CDKN2D: variants seen among roughly 807,000 people sequenced by gnomAD.
CDKN2D encodes the protein cyclin dependent kinase inhibitor 2D.
CDKN2D carries 3 observed loss-of-function variants against 4.7 expected under a neutral mutation model. The ratio of observed to expected loss-of-function variants is 0.64; its 90% CI spans 0.29 to 1.66. The LOEUF (loss-of-function observed/expected upper bound fraction) is 1.66. Among genes scored for constraint, CDKN2D ranks in the 40% most tolerant of loss-of-function variants. CDKN2D has a pLI of 0.10. For missense variants in CDKN2D, 196 were observed against 230.9 expected (o/e 0.85, Z 0.98); for synonymous variants, 91 against 102.3 (o/e 0.89, Z 0.67).
Position 10,567,339 on chromosome 19 carries a change from C to A in CDKN2D, c.220G>T (p.Gly74Cys). 1 of 1,614,122 alleles carries A rather than the reference C, an allele frequency of 6.2e-7. No homozygotes were observed. The highest frequency in any genetic ancestry group is 2.2e-5 in the East Asian group (1 of 44,890). Reference sequence around the variant, plus strand: ...GCTGCGTCATGGACTGGACTGGTACCGGAGGTGTCCTGGACATTGGGGCTG... The same window carrying A: ...GCTGCGTCATGGACTGGACTGGTACAGGAGGTGTCCTGGACATTGGGGCTG... ...GASPNVQDTS[G>C]TSPVHDAART... The change falls in exon 2 of 2, where the codon GGT becomes TGT. Residue 74 changes from glycine to cysteine, a missense_variant. Physicochemically the swap from Gly to Cys is radical, Grantham distance 159 (BLOSUM62 -3). Transcript: ENST00000393599.
chr19:10,567,034 C>G lies in CDKN2D; in HGVS notation c.*24G>C, dbSNP rs746827945. ...CTGATACATAACCCCACGGGGTTCT[C>G]TTGCTGGAGAGGGTGACCCCAGATC... On this transcript the variant is annotated 3_prime_UTR_variant, in exon 2 of 2. Transcript: ENST00000393599. 7 of 1,571,244 alleles carry G rather than the reference C, an allele frequency of 4.5e-6. No homozygotes were observed. The highest frequency in any genetic ancestry group is 1.2e-5 in the South Asian group (1 of 86,850).
chr19:10,568,796 TC>T lies in CDKN2D; in HGVS notation c.-144del. On this transcript the variant is annotated 5_prime_UTR_variant, in exon 1 of 2. Coordinates refer to ENST00000393599, the MANE Select transcript of CDKN2D (RefSeq NM_001800.4). ...GGCTGCGCTGCTCTCCCGTCCCGGC[TC>T]CCCAGCCCGAGACCCCGGCCCTCCC... The T allele has an allele frequency of 2.1e-6, 1 of 468,550 alleles. No homozygotes were observed. Among genetic ancestry groups the T allele is most frequent in the Non-Finnish European group, 3.3e-6 (1 of 305,964 alleles). 29.0% of individuals were successfully genotyped at this position (468,550 alleles called of 1,614,324 possible).
In CDKN2D at chr19:10,568,932, C is replaced by T; in HGVS notation, c.-279G>A. ...GGCGCCCGCCCCTTGGGGGCCGGGT[C>T]TCCCCCTAACTCACCCTCCCTCCTC... is the stretch of plus-strand genomic sequence containing the variant. On this transcript the variant is annotated 5_prime_UTR_variant, in exon 1 of 2. Transcript: ENST00000393599. 1 of 212,626 alleles carries T rather than the reference C, an allele frequency of 4.7e-6. No individual in the cohort carries two copies. The highest frequency in any genetic ancestry group is 9.4e-6 in the Non-Finnish European group (1 of 106,158). 13.2% of individuals were successfully genotyped at this position (212,626 alleles called of 1,614,324 possible).
chr19:10,568,505 G>A lies in CDKN2D; in HGVS notation c.141+8C>T. 7.1e-7 allele frequency: 1 copy of A among 1,408,934 alleles called. No homozygotes were observed. Among genetic ancestry groups the A allele is most frequent in the Non-Finnish European group, 9.3e-7 (1 of 1,076,832 alleles). The allele number at this position is 1,408,934 out of a possible 1,614,324, so 87.3% of individuals were successfully genotyped here. ...GCCCCGCCCCAACCTGGACCGGCCC[G>A]GCCTCACCTGCAGCGCCGTCTTGCC... On this transcript the variant is annotated splice_region_variant and intron_variant, in intron 1 of 1. Transcript: ENST00000393599.
chr19:10,568,072 AC>A (rs1281138632), intron 1 of CDKN2D, among the ~76,000 whole-genome samples: 1 of 151,740 alleles, frequency 6.6e-6, no homozygotes, highest in Non-Finnish European at 1.5e-5. Flanking sequence ...TGAAGACCCC[AC>A]CCCCAAGTAA....
At chr19:10,568,404 G>A in intron 1 of CDKN2D, 109 bp downstream of exon 1, 1 of 1,002,246 alleles carries the variant, frequency 1.0e-6, no homozygotes, top group Non-Finnish European at 1.3e-6. Flanking sequence ...AAGAAGGACC[G>A]GTTCCCAGTG....
rs762363948 is a variant in CDKN2D at position 10,567,247 on chromosome 19, A to G, written c.312T>C (p.Asp104=). The change falls in exon 2 of 2, where the codon GAT becomes GAC. Residue 104 remains aspartate (D), a synonymous_variant. Transcript: ENST00000393599. The stretch of plus-strand genomic sequence containing the variant: ...GATGGATTGGAAGTGCCCCGGTGCC[A>G]TCAGGCACGTTGACATCAGCCCCGT... ...VEHGADVNVP[D]GTGALPIHLA... 5.0e-6 allele frequency: 8 copies of G among 1,614,188 alleles called. No individual in the cohort carries two copies. The South Asian group carries it at 8.8e-5, about 18-fold the overall frequency.
intron 1 of CDKN2D, among the ~76,000 whole-genome samples, chr19:10,568,023 C>A (rs773208792): frequency 6.6e-6 from 1 of 151,996 alleles, no homozygotes; most frequent in Non-Finnish European, 1.5e-5. Flanking sequence ...TCCATTGGGG[C>A]CCCCATACTA....
Position 10,566,546 on chromosome 19 carries a change from C to A in CDKN2D, c.*512G>T, listed in dbSNP as rs537967556. ...CCAATAAAGCATAATAAATAGAATC[C>A]ATTTCTTTTAAAACGCTGTACAAGA... On this transcript the variant is annotated 3_prime_UTR_variant, in exon 2 of 2. Transcript: ENST00000393599. 11 of 232,932 alleles carry A rather than the reference C, an allele frequency of 4.7e-5. 1 individual carries two copies. The highest frequency in any genetic ancestry group is 2.2e-4 in the African/African-American group (10 of 45,048). 14.4% of individuals were successfully genotyped at this position (232,932 alleles called of 1,614,324 possible). A position where few individuals can be genotyped will look rare whatever the true frequency, so the allele number is the denominator to read the frequency against.
At chr19:10,568,422 A>G in intron 1 of CDKN2D, 91 bp downstream of exon 1, 1 of 1,167,152 alleles carries the variant, frequency 8.6e-7, no homozygotes. Flanking sequence ...GTGGGTCACC[A>G]CCAGGGCCAG....
Position 10,567,054 on chromosome 19 carries a change from C to A in CDKN2D, c.*4G>T. 1 of 1,600,904 alleles carries A rather than the reference C, an allele frequency of 6.2e-7. No homozygotes were observed. Among genetic ancestry groups the A allele is most frequent in the South Asian group, 1.1e-5 (1 of 90,240 alleles). On this transcript the variant is annotated 3_prime_UTR_variant, in exon 2 of 2. Transcript: ENST00000393599. ...GTTCTCTTGCTGGAGAGGGTGACCC[C>A]AGATCACAGCGGGGCCACCATGTGG...
chr19:10,568,381 T>C, intron 1 of CDKN2D, 132 bp downstream of exon 1: 2 of 779,590 alleles, frequency 2.6e-6, no homozygotes, highest in Admixed American at 5.3e-5. Context: ...GGGGGAACAA[T>C]GAAAGCCTAG....
Position 10,567,390 on chromosome 19 carries a change from C to A in CDKN2D, c.169G>T (p.Ala57Ser). The change falls in exon 2 of 2, where the codon GCC becomes TCC. Residue 57 changes from alanine (A) to serine (S), a missense_variant. Transcript: ENST00000393599. ...QVMMFGSTAI[A>S]LELLKQGASP... ...GCACCTTGCTTCAGCAGCTCCAGGG[C>A]GATGGCGGTGCTGCCAAACATCATG... is the stretch of plus-strand genomic sequence containing the variant. The A allele has an allele frequency of 3.7e-6, 6 of 1,613,642 alleles. No homozygotes were observed. Among genetic ancestry groups the A allele is most frequent in the Non-Finnish European group, 5.1e-6 (6 of 1,179,742 alleles).
chr19:10,566,658 C>T lies in CDKN2D; in HGVS notation c.*400G>A, dbSNP rs543963372. ...GATTTGGGACGCTCCCCCCACCCCC[C>T]ATGCCTGAAGCAACGTGCACACTTC... On this transcript the variant is annotated 3_prime_UTR_variant, in exon 2 of 2. Transcript: ENST00000393599. The T allele has an allele frequency of 4.0e-5, 11 of 271,742 alleles. No homozygotes were observed. The South Asian group carries it at 9.7e-4, about 24-fold the overall frequency. 16.8% of individuals were successfully genotyped at this position (271,742 alleles called of 1,614,324 possible). A position where few individuals can be genotyped will look rare whatever the true frequency, so the allele number is the denominator to read the frequency against.
chr19:10,567,153 C>T lies in CDKN2D; in HGVS notation c.406G>A (p.Asp136Asn). The T allele has an allele frequency of 6.2e-7, 1 of 1,614,150 alleles. No homozygotes were observed. Among genetic ancestry groups the T allele is most frequent in the Non-Finnish European group, 8.5e-7 (1 of 1,180,028 alleles). The change falls in exon 2 of 2, where the codon GAC (aspartate) becomes AAC (asparagine). Residue 136 changes from aspartate to asparagine, a missense_variant. Physicochemically the swap from Asp to Asn is conservative, Grantham distance 23. Coordinates refer to ENST00000393599, the MANE Select transcript of CDKN2D (RefSeq NM_001800.4). ...LAAESDLHRR[D>N]ARGLTPLELA... ...TCCAAGGGTGTGAGACCCCTGGCGT[C>T]CCTGCGATGGAGATCAGATTCAGCT...
At position 10,566,764 on chromosome 19, in the gene CDKN2D, CT is replaced by C; in HGVS notation, c.*293del. The C allele has an allele frequency of 2.4e-6, 1 of 418,032 alleles. No individual in the cohort carries two copies. Among genetic ancestry groups the C allele is most frequent in the Non-Finnish European group, 4.4e-6 (1 of 228,716 alleles). The allele number at this position is 418,032 out of a possible 1,614,324, so 25.9% of individuals were successfully genotyped here. ...TGACTTCACTCTTAAATGCTCTGCC[CT>C]TGGGTCTCGTCTGAGGCCCCAGCAG... On this transcript the variant is annotated 3_prime_UTR_variant, in exon 2 of 2. Coordinates refer to ENST00000393599, the MANE Select transcript of CDKN2D (RefSeq NM_001800.4).
Position 10,567,173 on chromosome 19 carries a change from T to G in CDKN2D, c.386A>C (p.Glu129Ala). ...HTAVVSFLAA[E>A]SDLHRRDARG... Reference sequence around the variant, plus strand: ...GGCGTCCCTGCGATGGAGATCAGATTCAGCTGCCAGAAAGCTGACCACAGC... The same window carrying G: ...GGCGTCCCTGCGATGGAGATCAGATGCAGCTGCCAGAAAGCTGACCACAGC... Residue 129 changes from glutamate to alanine, a missense_variant, in exon 2 of 2, where the codon GAA becomes GCA. Physicochemically the swap from Glu to Ala is moderately radical, Grantham distance 107. Coordinates refer to ENST00000393599, the MANE Select transcript of CDKN2D (RefSeq NM_001800.4). 1 of 1,614,126 alleles carries G rather than the reference T, an allele frequency of 6.2e-7. No individual in the cohort carries two copies. The highest frequency in any genetic ancestry group is 8.5e-7 in the Non-Finnish European group (1 of 1,180,018).
chr19:10,566,736 T>G lies in CDKN2D; in HGVS notation c.*322A>C. The G allele has an allele frequency of 6.0e-6, 2 of 334,918 alleles. No homozygotes were observed. The highest frequency in any genetic ancestry group is 1.1e-5 in the Non-Finnish European group (2 of 180,476). The allele number at this position is 334,918 out of a possible 1,614,324, so 20.7% of individuals were successfully genotyped here. On this transcript the variant is annotated 3_prime_UTR_variant, in exon 2 of 2. Coordinates refer to ENST00000393599, the MANE Select transcript of CDKN2D (RefSeq NM_001800.4). Reference sequence around the variant, plus strand: ...CACCAGCTTCTAGGCTCCCTGGAGGTCATGACTTCACTCTTAAATGCTCTG... The same window carrying G: ...CACCAGCTTCTAGGCTCCCTGGAGGGCATGACTTCACTCTTAAATGCTCTG...
chr19:10,568,682 CG>C lies in CDKN2D; in HGVS notation c.-30del. 1 of 1,369,240 alleles carries C rather than the reference CG, an allele frequency of 7.3e-7. No individual in the cohort carries two copies. Among genetic ancestry groups the C allele is most frequent in the Non-Finnish European group, 9.4e-7 (1 of 1,063,198 alleles). 84.8% of individuals were successfully genotyped at this position (1,369,240 alleles called of 1,614,324 possible). ...GACACTGGCGGCCTGCAAAGCCCCC[CG>C]CCCCGCCCCAGCCCGGCGCTGTCAG... On this transcript the variant is annotated 5_prime_UTR_variant, in exon 1 of 2. Transcript: ENST00000393599.
Sources: allele counts gnomAD v4.1 joint callset (sites outside exome capture counted in the v4.1 genomes callset), GRCh38; gene constraint gnomAD v4.1.1; transcripts MANE v1.5; gene names NCBI Gene and HGNC (gene_info 2026-07-23, HGNC 2026-07-21).